AFG1L: variants seen among roughly 807,000 people sequenced by gnomAD.
AFG1L encodes AFG1-like ATPase.
In AFG1L, 53 loss-of-function variants were observed where a neutral mutation model predicts 62.2. The observed-to-expected ratio is 0.85, with a 90% confidence interval of 0.68 to 1.07. The LOEUF is 1.07. AFG1L is among the 50% of genes least tolerant of loss of function. The pLI is 0.00. For missense variants in AFG1L, 555 were observed against 590.5 expected, an observed-to-expected ratio of 0.94 and a Z score of 0.62; for synonymous variants, 228 against 210.3, an observed-to-expected ratio of 1.08 and a Z score of -0.73.
At chr6:108,348,266 G>C (rs539794572) in intron 3 of AFG1L, among the ~76,000 whole-genome samples, 2 of 152,280 alleles carry the variant, frequency 1.3e-5, no homozygotes, top group African/African-American at 4.8e-5. Flanking sequence ...TTTTAGTAGA[G>C]ACGGGGTTTC....
intron 1 of AFG1L, among the ~76,000 whole-genome samples, chr6:108,310,814 C>T (rs1198324086): frequency 6.6e-6 from 1 of 152,120 alleles, no homozygotes; most frequent in Non-Finnish European, 1.5e-5. Flanking sequence ...GGCTCTGAAG[C>T]AATCCTCCCA....
intron 12 of AFG1L, chr6:108,521,102 T>C (rs1775107470): frequency 6.6e-6 from 1 of 152,204 alleles, no homozygotes; most frequent in South Asian, 2.1e-4. Context: ...ACCATCCCCC[T>C]GCCCCTGGTC....
At chr6:108,476,833 A>G (rs539919200) in intron 8 of AFG1L, 32 bp from the exon 9 acceptor site, 1 of 1,544,502 alleles carries the variant, frequency 6.5e-7, no homozygotes, top group Non-Finnish European at 8.9e-7. Flanking sequence ...AAGTGTTATT[A>G]ATTTCATATT....
At chr6:108,478,190 C>A (rs1326095830) in intron 10 of AFG1L, among the ~76,000 whole-genome samples, 1 of 152,224 alleles carries the variant, frequency 6.6e-6, no homozygotes, top group African/African-American at 2.4e-5. Flanking sequence ...GTAATCCCAG[C>A]ACTTTGGGAG....
rs569209235 is a variant in AFG1L, at chr6:108,364,039, C to T, written c.649-2194C>T. ...ACTCTAGGTTATAAAAAAATCTTTT[C>T]TCTTTAATGCTAATGAAATGTCTCC... On this transcript the variant is annotated intron_variant, in intron 5 of 12. Coordinates refer to ENST00000368977, the MANE Select transcript of AFG1L (RefSeq NM_145315.5). Among the ~76,000 whole-genome samples, 3 of 152,168 alleles carry T rather than the reference C, an allele frequency of 2.0e-5. No individual in the cohort carries two copies. The East Asian group carries it at 5.8e-4, about 29-fold the overall frequency.
At chr6:108,499,868 G>T (rs1316111925) in intron 10 of AFG1L, among the ~76,000 whole-genome samples, 2 of 152,088 alleles carry the variant, frequency 1.3e-5, no homozygotes, top group Non-Finnish European at 2.9e-5. Context: ...GTATAATGCT[G>T]GGATTTGGGC....
At chr6:108,445,315 C>G (rs1258160324) in intron 7 of AFG1L, among the ~76,000 whole-genome samples, 4 of 152,188 alleles carry the variant, frequency 2.6e-5, no homozygotes, top group East Asian at 1.9e-4. Context: ...ATCACTCAAA[C>G]TTTTCTCCAT....
At chr6:108,355,137 C>T (rs1250212151) in intron 3 of AFG1L, among the ~76,000 whole-genome samples, 1 of 146,120 alleles carries the variant, frequency 6.8e-6, no homozygotes, top group African/African-American at 2.5e-5. Flanking sequence ...ATGGGGGTCT[C>T]GCTATGTTTC....
chr6:108,406,761 G>A (rs1781876216), intron 7 of AFG1L, among the ~76,000 whole-genome samples: 1 of 152,188 alleles, frequency 6.6e-6, no homozygotes, highest in African/African-American at 2.4e-5. Flanking sequence ...TTTCAAATTG[G>A]GCAACATCTC....
At chr6:108,405,828 T>TG (rs1401295452) in intron 7 of AFG1L, among the ~76,000 whole-genome samples, 2 of 152,244 alleles carry the variant, frequency 1.3e-5, no homozygotes, top group African/African-American at 4.8e-5. Context: ...TTCTGCTGTC[T>TG]GCCTCTGTGA....
chr6:108,404,261 T>C (rs1247292751), intron 7 of AFG1L, among the ~76,000 whole-genome samples: 1 of 152,158 alleles, frequency 6.6e-6, no homozygotes, highest in African/African-American at 2.4e-5. Context: ...AAAAAGAAAT[T>C]ATTATAAACA....
intron 7 of AFG1L, among the ~76,000 whole-genome samples, chr6:108,423,905 A>C (rs543241565): frequency 6.6e-6 from 1 of 152,116 alleles, no homozygotes; most frequent in African/African-American, 2.4e-5. Flanking sequence ...GATAGGATTC[A>C]TGTATTATAA....
intron 2 of AFG1L, among the ~76,000 whole-genome samples, chr6:108,330,188 T>TTA (rs1554270741): frequency 5.4e-5 from 8 of 149,300 alleles, no homozygotes; most frequent in Non-Finnish European, 1.0e-4. Flanking sequence ...TTTTATTTTT[T>TTA]TTTTTTTTTT....
chr6:108,468,035 T>A (rs1772739730), intron 8 of AFG1L, among the ~76,000 whole-genome samples: 1 of 152,216 alleles, frequency 6.6e-6, no homozygotes. Flanking sequence ...AACCCCATAT[T>A]TATCCCTTCT....
intron 8 of AFG1L, among the ~76,000 whole-genome samples, chr6:108,469,792 G>C (rs965838587): frequency 6.6e-6 from 1 of 152,100 alleles, no homozygotes; most frequent in Non-Finnish European, 1.5e-5. Context: ...ATGTGTCCTG[G>C]ACCATCAAGA....
chr6:108,377,130 A>G (rs1479161199), intron 6 of AFG1L, among the ~76,000 whole-genome samples: 1 of 150,732 alleles, frequency 6.6e-6, no homozygotes, highest in Non-Finnish European at 1.5e-5. Flanking sequence ...CTTGGAGCGT[A>G]TGGGTGTCAT....
At position 108,513,473 on chromosome 6, in the gene AFG1L, G is replaced by A. The variant is rs535724940; in HGVS notation, c.1203+3121G>A. On this transcript the variant is annotated intron_variant, in intron 11 of 12. Transcript: ENST00000368977. Reference sequence around the variant, plus strand: ...GGCACACCAGGAGATTATATCCCGCGCATGGCTTGGAGGGTTCTACACCCA... The same window carrying A: ...GGCACACCAGGAGATTATATCCCGCACATGGCTTGGAGGGTTCTACACCCA... 5.3e-5 allele frequency among the ~76,000 whole-genome samples: 8 copies of A among 152,312 alleles called. No homozygotes were observed. The East Asian group carries it at 7.7e-4, about 15-fold the overall frequency.
chr6:108,477,975 C>T (rs116172380), intron 10 of AFG1L, among the ~76,000 whole-genome samples: 1,696 of 152,154 alleles, frequency 0.011, 25 homozygotes, highest in African/African-American at 0.036. Flanking sequence ...AAAACAAATC[C>T]AAATTAGATA....
chr6:108,358,008 C>G (rs961776543), intron 5 of AFG1L, among the ~76,000 whole-genome samples: 1 of 152,172 alleles, frequency 6.6e-6, no homozygotes, highest in Admixed American at 6.5e-5. Flanking sequence ...CTGGACTCAC[C>G]TTTGTATTTG....
Sources: gnomAD v4.1 joint callset for allele counts (sites outside exome capture counted in the v4.1 genomes callset) on GRCh38, gnomAD v4.1.1 for gene constraint, MANE v1.5 for transcripts, NCBI Gene and HGNC (gene_info 2026-07-23, HGNC 2026-07-21) for gene names.